Variants in NCS1 observed in about 807,000 individuals in gnomAD.
The protein encoded by NCS1 is neuronal calcium sensor 1, also known as frequenin homolog.
In NCS1, 6 loss-of-function variants were observed where a neutral mutation model predicts 28.4. The ratio of observed to expected loss-of-function variants is 0.21; its 90% CI spans 0.12 to 0.42. The LOEUF (loss-of-function observed/expected upper bound fraction) is 0.42, where lower values mean the gene tolerates loss of function less well. Among genes scored for constraint, NCS1 ranks in the 10% least tolerant of loss-of-function variants. The pLI, the probability that NCS1 is intolerant of heterozygous loss-of-function variation, is 1.00. For missense variants in NCS1, 131 were observed against 241.4 expected, an observed-to-expected ratio of 0.54 and a Z score of 3.03; for synonymous variants, 86 against 99.3, an observed-to-expected ratio of 0.87 and a Z score of 0.79.
intron 6 of NCS1, among the ~76,000 whole-genome samples, chr9:130,223,469 T>C (rs1182259339): frequency 6.6e-6 from 1 of 151,968 alleles, no homozygotes; most frequent in African/African-American, 2.4e-5. Flanking sequence ...GCGCATAAAA[T>C]AAAATCCATA....
chr9:130,183,310 G>C lies in NCS1; in HGVS notation c.64+10583G>C, dbSNP rs371170159. Among the ~76,000 whole-genome samples the C allele has an allele frequency of 5.6e-4, 73 of 131,214 alleles. 1 individual carries two copies. The highest frequency in any genetic ancestry group is 1.9e-3 in the African/African-American group (63 of 33,092). 86.1% of individuals were successfully genotyped at this position (131,214 alleles called of 152,430 possible). On this transcript the variant is annotated intron_variant, in intron 1 of 7. Coordinates refer to ENST00000372398, the MANE Select transcript of NCS1 (RefSeq NM_014286.4). ...CGGGTGCCCTGACCATGCGGCTGGGGGGGGGAGCTCCTTGCCCAGGAGGGG... is the reference window on the plus strand; with the variant it reads ...CGGGTGCCCTGACCATGCGGCTGGGCGGGGGAGCTCCTTGCCCAGGAGGGG...
intron 4 of NCS1, among the ~76,000 whole-genome samples, chr9:130,222,102 A>G (rs12380843): frequency 0.56 from 42,535 of 75,374 alleles, 14,066 homozygotes; most frequent in East Asian, 0.89. Context: ...GTGTGTGTGT[A>G]TATATATATA....
chr9:130,217,421 T>C (rs1833205578), intron 2 of NCS1, among the ~76,000 whole-genome samples: 1 of 152,186 alleles, frequency 6.6e-6, no homozygotes, highest in Non-Finnish European at 1.5e-5. Flanking sequence ...CCCAGCCTGA[T>C]GCCAGGAGGG....
Position 130,219,910 on chromosome 9 carries a change from T to A in NCS1, c.307+107T>A. On this transcript the variant is annotated intron_variant, in intron 4 of 7. Transcript: ENST00000372398. The surrounding 1 kb of genome is among the most constrained non-coding windows in gnomAD (Gnocchi z 5.7). ...CAGGGGTGCCAGACACCCACTGCAGTGACCACAGATGGCGTCCCAGCTGTG... is the reference window on the plus strand; with the variant it reads ...CAGGGGTGCCAGACACCCACTGCAGAGACCACAGATGGCGTCCCAGCTGTG... 1 of 1,174,670 alleles carries A rather than the reference T, an allele frequency of 8.5e-7. No homozygotes were observed. Among genetic ancestry groups the A allele is most frequent in the Non-Finnish European group, 1.3e-6 (1 of 795,142 alleles). 72.8% of individuals were successfully genotyped at this position (1,174,670 alleles called of 1,614,324 possible).
At chr9:130,212,970 G>C (rs764052467) in intron 2 of NCS1, among the ~76,000 whole-genome samples, 9 of 152,142 alleles carry the variant, frequency 5.9e-5, no homozygotes, top group Non-Finnish European at 1.2e-4. Flanking sequence ...GGCTGGGAAG[G>C]TTCAGACCCC....
At position 130,234,858 on chromosome 9, in the gene NCS1, G is replaced by A. The variant is rs117265449; in HGVS notation, c.*1886G>A. 6,835 of 152,338 alleles carry A rather than the reference G, an allele frequency of 0.045. 182 individuals are homozygous for A. The highest frequency in any genetic ancestry group is 0.059 in the South Asian group (286 of 4,828). The allele number at this position is 152,338 out of a possible 1,614,324, so 9.4% of individuals were successfully genotyped here. On this transcript the variant is annotated 3_prime_UTR_variant, in exon 8 of 8. Transcript: ENST00000372398. The surrounding 1 kb of genome is among the most constrained non-coding windows in gnomAD (Gnocchi z 6.1). ...TGAGAAGCCGCTTCCCAGACTGTCA[G>A]GGCCAGGCCTGGGTCTAGAATTCTT...
Position 130,192,470 on chromosome 9 carries a change from G to A in NCS1, c.65-8488G>A, listed in dbSNP as rs1233244983. Among the ~76,000 whole-genome samples, 3 of 151,996 alleles carry A rather than the reference G, an allele frequency of 2.0e-5. No homozygotes were observed. Among genetic ancestry groups the A allele is most frequent in the African/African-American group, 4.8e-5 (2 of 41,386 alleles). On this transcript the variant is annotated intron_variant, in intron 1 of 7. Transcript: ENST00000372398. The surrounding 1 kb of genome is among the most constrained non-coding windows in gnomAD (Gnocchi z 4.8). ...GGCCTGTCGTTGTGGGAAATGAGGC[G>A]CTCCAGACCCTCATTTACTTGTTGC...
chr9:130,219,584 T>C lies in NCS1; in HGVS notation c.229-141T>C. On this transcript the variant is annotated intron_variant, in intron 3 of 7. Coordinates refer to ENST00000372398, the MANE Select transcript of NCS1 (RefSeq NM_014286.4). The surrounding 1 kb of genome is among the most constrained non-coding windows in gnomAD (Gnocchi z 5.7). The stretch of plus-strand genomic sequence containing the variant: ...CTCCTTGCCTCTCGCCCCCCATTCC[T>C]TCGAGCCTGCCCTCTCCACCTGAGT... 1.7e-6 allele frequency: 1 copy of C among 605,858 alleles called. No homozygotes were observed. Among genetic ancestry groups the C allele is most frequent in the Non-Finnish European group, 2.9e-6 (1 of 341,502 alleles). The allele number at this position is 605,858 out of a possible 1,614,324, so 37.5% of individuals were successfully genotyped here.
chr9:130,229,956 A>G (rs1554911885), intron 7 of NCS1, among the ~76,000 whole-genome samples: 2 of 152,220 alleles, frequency 1.3e-5, no homozygotes, highest in African/African-American at 2.4e-5. Context: ...ATCATTTTTC[A>G]TAGCTGCATA....
At position 130,215,114 on chromosome 9, in the gene NCS1, CGAA is replaced by C. The variant is rs781979795; in HGVS notation, c.90-2710_90-2708del. ...TTGTGGATAAGTTAGAAGGTTTGCA[CGAA>C]GAAGAAGTAACCATCTGACATCCAG... On this transcript the variant is annotated intron_variant, in intron 2 of 7. Transcript: ENST00000372398. The surrounding 1 kb of genome is among the most constrained non-coding windows in gnomAD (Gnocchi z 4.2). Among the ~76,000 whole-genome samples, 12 of 152,160 alleles carry C rather than the reference CGAA, an allele frequency of 7.9e-5. No homozygotes were observed. Among genetic ancestry groups the C allele is most frequent in the Non-Finnish European group, 1.3e-4 (9 of 68,032 alleles).
intron 7 of NCS1, among the ~76,000 whole-genome samples, chr9:130,229,450 T>A (rs1432218082): frequency 6.6e-6 from 1 of 152,066 alleles, no homozygotes; most frequent in African/African-American, 2.4e-5. Context: ...AGATGGGGTT[T>A]CAGCATGTTG....
rs938901884 is a variant in NCS1 at position 130,226,850 on chromosome 9, C to A, written c.*17+346C>A. 6.6e-6 allele frequency among the ~76,000 whole-genome samples: 1 copy of A among 151,910 alleles called. No individual in the cohort carries two copies. Among genetic ancestry groups the A allele is most frequent in the African/African-American group, 2.4e-5 (1 of 41,356 alleles). ...GACCAGCCTGACCAACATGGTGAAACCCCGTCTCTACTAAAAATACAAAAA... is the reference window on the plus strand; with the variant it reads ...GACCAGCCTGACCAACATGGTGAAAACCCGTCTCTACTAAAAATACAAAAA... On this transcript the variant is annotated intron_variant, in intron 7 of 7. Coordinates refer to ENST00000372398, the MANE Select transcript of NCS1 (RefSeq NM_014286.4). The surrounding 1 kb of genome is among the most constrained non-coding windows in gnomAD (Gnocchi z 4.8).
intron 7 of NCS1, among the ~76,000 whole-genome samples, chr9:130,227,806 T>C (rs797028930): frequency 2.0e-5 from 3 of 152,370 alleles, no homozygotes; most frequent in African/African-American, 7.2e-5. Context: ...GCTGGGTGCC[T>C]CTGGCTCAAG....
At chr9:130,231,151 G>C (rs1464334284) in intron 7 of NCS1, among the ~76,000 whole-genome samples, 1 of 151,938 alleles carries the variant, frequency 6.6e-6, no homozygotes, top group Non-Finnish European at 1.5e-5. Context: ...AAGAGTTCAA[G>C]ACCAGCCTGG....
intron 1 of NCS1, chr9:130,200,308 T>C: frequency 2.1e-6 from 1 of 485,758 alleles, no homozygotes; most frequent in Non-Finnish European, 3.7e-6. Context: ...CATTTTTGTT[T>C]GTTTCATGGC....
intron 4 of NCS1, among the ~76,000 whole-genome samples, chr9:130,222,096 G>GTGTATATATATACGTATATATATA (rs1564714034): frequency 1.5e-5 from 1 of 64,700 alleles, no homozygotes; most frequent in African/African-American, 5.4e-5. Flanking sequence ...ATATATGTGT[G>GTGTATATATATACGTATATATATA]TGTGTATATA....
intron 3 of NCS1, 145 bp downstream of exon 3, chr9:130,218,115 T>C: frequency 1.1e-5 from 12 of 1,045,136 alleles, no homozygotes; most frequent in South Asian, 2.8e-5. Flanking sequence ...CACAGATACA[T>C]AGTCGCACAT....
chr9:130,221,663 C>T (rs1170828319), intron 4 of NCS1, among the ~76,000 whole-genome samples: 2 of 145,714 alleles, frequency 1.4e-5, no homozygotes, highest in African/African-American at 2.5e-5. Context: ...AACTCCTGAC[C>T]TCAGGTGATC....
At chr9:130,183,431 C>T (rs956303853) in intron 1 of NCS1, among the ~76,000 whole-genome samples, 2 of 152,166 alleles carry the variant, frequency 1.3e-5, no homozygotes, top group East Asian at 3.9e-4. Flanking sequence ...GATTCCCTGG[C>T]AGGGGAGCAG....
Sources: gnomAD v4.1 joint callset for allele counts (sites outside exome capture counted in the v4.1 genomes callset) on GRCh38, gnomAD v4.1.1 for gene constraint, Gnocchi (gnomAD v3.1) non-coding constraint, MANE v1.5 for transcripts, NCBI Gene and HGNC (gene_info 2026-07-23, HGNC 2026-07-21) for gene names.